The following ERC1 variants were observed in gnomAD, a reference collection of about 807,000 sequenced individuals.
ERC1 encodes RAB6 interacting protein 2.
A neutral mutation model predicts 132.0 loss-of-function variants in ERC1; 56 were observed. That is an observed-to-expected ratio of 0.42 (90% confidence interval 0.34 to 0.53). ERC1 has a LOEUF of 0.53. Ranked by LOEUF, ERC1 falls within the 20% of genes least tolerant of loss-of-function variation. The probability of loss-of-function intolerance (pLI) is 0.03; values close to 1 mark genes in which losing one functional copy is unlikely to be tolerated. For synonymous variants in ERC1, 478 were observed against 476.1 expected (o/e 1.00, Z -0.05); for missense variants, 1,202 against 1,349.9 (o/e 0.89, Z 1.72).
intron 13 of ERC1, among the ~76,000 whole-genome samples, chr12:1,257,706 T>C (rs985792094): frequency 5.3e-5 from 8 of 152,180 alleles, no homozygotes; most frequent in African/African-American, 1.9e-4. Context: ...TATAGCCTTT[T>C]ATAGATTTAT....
chr12:1,210,685 A>G (rs1957780967), intron 12 of ERC1, among the ~76,000 whole-genome samples: 1 of 152,190 alleles, frequency 6.6e-6, no homozygotes. Context: ...CAATGGCTAC[A>G]AAAGACAGTT....
At chr12:1,423,579 A>T (rs1298292195) in intron 17 of ERC1, among the ~76,000 whole-genome samples, 2 of 152,204 alleles carry the variant, frequency 1.3e-5, no homozygotes, top group Non-Finnish European at 2.9e-5. Context: ...TGTAAGTATC[A>T]ACTGGGTCAG....
intron 18 of ERC1, among the ~76,000 whole-genome samples, chr12:1,487,113 C>G (rs1214134169): frequency 6.6e-6 from 1 of 152,140 alleles, no homozygotes; most frequent in Admixed American, 6.5e-5. Context: ...TACAAGGTAC[C>G]CAGCCTCCTA....
At chr12:1,438,235 T>G (rs940510366) in intron 17 of ERC1, among the ~76,000 whole-genome samples, 1 of 152,212 alleles carries the variant, frequency 6.6e-6, no homozygotes, top group Admixed American at 6.5e-5. Context: ...TAAGAAGATA[T>G]CTTAGTTATT....
chr12:1,079,870 G>A (rs559168939), intron 2 of ERC1, among the ~76,000 whole-genome samples: 1 of 151,568 alleles, frequency 6.6e-6, no homozygotes, highest in Admixed American at 6.6e-5. Flanking sequence ...CAGAGATACA[G>A]ATAGAAATGA....
chr12:1,315,095 C>T (rs2081590897), intron 15 of ERC1, among the ~76,000 whole-genome samples: 1 of 152,172 alleles, frequency 6.6e-6, no homozygotes, highest in Non-Finnish European at 1.5e-5. Context: ...TCTCTGCTCA[C>T]TGCAACCTCT....
chr12:1,073,849 A>G (rs1214937836), intron 2 of ERC1, among the ~76,000 whole-genome samples: 1 of 141,780 alleles, frequency 7.1e-6, no homozygotes, highest in Non-Finnish European at 1.6e-5. Context: ...TATGATGGCT[A>G]TGACCAATGT....
chr12:1,070,028 T>C (rs1940034288), intron 2 of ERC1, among the ~76,000 whole-genome samples: 1 of 152,204 alleles, frequency 6.6e-6, no homozygotes, highest in South Asian at 2.1e-4. Context: ...ACATCATTTA[T>C]GTGAATTGTT....
intron 2 of ERC1, among the ~76,000 whole-genome samples, chr12:1,037,167 CT>C (rs1291970669): frequency 6.6e-6 from 1 of 152,124 alleles, no homozygotes; most frequent in African/African-American, 2.4e-5. Flanking sequence ...TGAGATAGGG[CT>C]TATATGAAGA....
intron 16 of ERC1, among the ~76,000 whole-genome samples, chr12:1,382,449 G>C (rs914770288): frequency 3.3e-5 from 5 of 152,198 alleles, no homozygotes; most frequent in Non-Finnish European, 7.3e-5. Flanking sequence ...GGAGAATTCA[G>C]ATTTTTATAC....
intron 7 of ERC1, among the ~76,000 whole-genome samples, chr12:1,134,039 T>C (rs76709218): frequency 0.052 from 7,851 of 152,238 alleles, 333 homozygotes; most frequent in Admixed American, 0.13. Flanking sequence ...CCTTGTTGGG[T>C]GCTAGGCATT....
intron 1 of ERC1, among the ~76,000 whole-genome samples, chr12:1,020,361 G>A (rs1966167156): frequency 6.6e-6 from 1 of 152,204 alleles, no homozygotes; most frequent in East Asian, 1.9e-4. Context: ...GGAGGCTGAG[G>A]CAGGAGAATC....
intron 3 of ERC1, among the ~76,000 whole-genome samples, chr12:1,084,688 A>G (rs1473449155): frequency 1.3e-5 from 2 of 151,202 alleles, no homozygotes; most frequent in Non-Finnish European, 2.9e-5. Flanking sequence ...TTTATTTTAA[A>G]TTTTTATTGT....
At chr12:1,337,792 C>T (rs1415050989) in intron 15 of ERC1, among the ~76,000 whole-genome samples, 76 of 152,138 alleles carry the variant, frequency 5.0e-4, no homozygotes, top group Non-Finnish European at 2.1e-4. Context: ...TTTTCCCTCA[C>T]TTATGAAGGT....
chr12:1,253,778 A>T (rs1594567427), intron 13 of ERC1, among the ~76,000 whole-genome samples: 2 of 152,314 alleles, frequency 1.3e-5, no homozygotes, highest in African/African-American at 4.8e-5. Flanking sequence ...TGAGAGATGT[A>T]TTGGGAGTGG....
At chr12:1,155,894 T>C (rs552638535) in intron 8 of ERC1, among the ~76,000 whole-genome samples, 40 of 152,002 alleles carry the variant, frequency 2.6e-4, no homozygotes, top group African/African-American at 8.9e-4. Context: ...AAAATAAAAA[T>C]TACCAAAACA....
chr12:1,103,604 G>A (rs1454877891), intron 3 of ERC1, among the ~76,000 whole-genome samples: 8 of 152,202 alleles, frequency 5.3e-5, no homozygotes, highest in Admixed American at 5.2e-4. Flanking sequence ...TGAAGCTAGA[G>A]CTAACTGGAT....
intron 12 of ERC1, among the ~76,000 whole-genome samples, chr12:1,220,047 G>A (rs1958829662): frequency 6.6e-6 from 1 of 151,928 alleles, no homozygotes; most frequent in Non-Finnish European, 1.5e-5. Context: ...CCACCTATCA[G>A]CTTTTTTGTT....
chr12:1,098,298 A>G (rs1944286847), intron 3 of ERC1, among the ~76,000 whole-genome samples: 1 of 152,242 alleles, frequency 6.6e-6, no homozygotes, highest in Non-Finnish European at 1.5e-5. Flanking sequence ...AGTGAGAAGT[A>G]TAATGGTAAA....
Sources: allele counts gnomAD v4.1 joint callset (sites outside exome capture counted in the v4.1 genomes callset), GRCh38; gene constraint gnomAD v4.1.1; transcripts MANE v1.5; gene names NCBI Gene and HGNC (gene_info 2026-07-23, HGNC 2026-07-21).